Variants in AFF3 observed in about 807,000 individuals in gnomAD.
AFF3 encodes ALF transcription elongation factor 3, also known as AF4/FMR2 family member 3.
In AFF3, 32 loss-of-function variants were observed where a neutral mutation model predicts 129.7. The ratio of observed to expected loss-of-function variants is 0.25; its 90% CI spans 0.19 to 0.33. The LOEUF (loss-of-function observed/expected upper bound fraction) is 0.33, where lower values mean the gene tolerates loss of function less well. Among genes scored for constraint, AFF3 ranks in the 10% least tolerant of loss-of-function variants. The pLI is 1.00. For synonymous variants in AFF3, 644 were observed against 635.4 expected (o/e 1.01, Z -0.20); for missense variants, 1,373 against 1,592.0 (o/e 0.86, Z 2.34).
chr2:99,573,527 A>C (rs531940117), intron 18 of AFF3, among the ~76,000 whole-genome samples: 1 of 152,314 alleles, frequency 6.6e-6, no homozygotes, highest in African/African-American at 2.4e-5. Context: ...CAAGGATCTT[A>C]ATTGGTGTCC....
In AFF3 at chr2:99,869,122, C is replaced by T. The variant is rs544449915; in HGVS notation, c.874-31598G>A. On this transcript the variant is annotated intron_variant, in intron 7 of 24. Coordinates refer to ENST00000672756, the MANE Select transcript of AFF3 (RefSeq NM_001386135.1). ...AACAGTCCTATTTTTAATATAAGTT[C>T]CTAGTTCTGGACTTCCAGGTGGCAC... Among the ~76,000 whole-genome samples, 11 of 152,160 alleles carry T rather than the reference C, an allele frequency of 7.2e-5. No homozygotes were observed. The South Asian group carries it at 2.3e-3, about 32-fold the overall frequency.
intron 10 of AFF3, among the ~76,000 whole-genome samples, chr2:99,728,972 C>T (rs1679581780): frequency 6.6e-6 from 1 of 150,432 alleles, no homozygotes; most frequent in African/African-American, 2.4e-5. Context: ...AACCACAATC[C>T]CTCTTGTAAT....
In AFF3 at chr2:99,560,322, T is replaced by C. The variant is rs200773383; in HGVS notation, c.3191+43A>G. 139 of 1,600,430 alleles carry C rather than the reference T, an allele frequency of 8.7e-5. No homozygotes were observed. In the African/African-American group the frequency reaches 1.7e-3, roughly 20 times the overall value. ...AGCACCTGGTTTGCCAATGATGGCA[T>C]GCGAGGCTGGGGCTGCTATTCTAAG... On this transcript the variant is annotated intron_variant, in intron 21 of 24. Coordinates refer to ENST00000672756, the MANE Select transcript of AFF3 (RefSeq NM_001386135.1).
chr2:99,847,903 G>A (rs905145579), intron 7 of AFF3, among the ~76,000 whole-genome samples: 3 of 152,042 alleles, frequency 2.0e-5, no homozygotes, highest in African/African-American at 7.2e-5. Context: ...GTATCTTGAC[G>A]CCCACACTAT....
chr2:99,665,322 C>T (rs571737908), intron 12 of AFF3, among the ~76,000 whole-genome samples: 1 of 152,262 alleles, frequency 6.6e-6, no homozygotes, highest in South Asian at 2.1e-4. Flanking sequence ...CTGGTTTTGA[C>T]TAGCTGGGAA....
chr2:99,808,483 C>T (rs1686528456), intron 8 of AFF3, among the ~76,000 whole-genome samples: 1 of 152,144 alleles, frequency 6.6e-6, no homozygotes, highest in Admixed American at 6.5e-5. Context: ...TATGAAAATA[C>T]AGAGTGATGA....
At chr2:99,941,427 G>A (rs1318354762) in intron 7 of AFF3, among the ~76,000 whole-genome samples, 3 of 152,152 alleles carry the variant, frequency 2.0e-5, no homozygotes, top group Non-Finnish European at 4.4e-5. Context: ...GCACACCATA[G>A]TAAATCTACT....
intron 11 of AFF3, among the ~76,000 whole-genome samples, chr2:99,689,285 G>A (rs1675368073): frequency 6.6e-6 from 1 of 152,108 alleles, no homozygotes; most frequent in African/African-American, 2.4e-5. Flanking sequence ...GGCCTCAGCT[G>A]ACTGCAGCTG....
At chr2:99,755,008 T>C (rs939969488) in intron 8 of AFF3, among the ~76,000 whole-genome samples, 1 of 152,150 alleles carries the variant, frequency 6.6e-6, no homozygotes, top group Admixed American at 6.5e-5. Flanking sequence ...TCTTTCTTTC[T>C]TCCTTCCCTC....
rs138422859 is a variant in AFF3, at chr2:99,825,138, G to T, written c.921+12339C>A. Among the ~76,000 whole-genome samples the T allele has an allele frequency of 3.3e-3, 507 of 152,246 alleles. 5 individuals are homozygous for T. Among genetic ancestry groups the T allele is most frequent in the African/African-American group, 0.012 (482 of 41,544 alleles). ...ATCCACACATCAGATTTATCAGAACGTATAAAACGATGGATAAATGCAATG... is the reference window on the plus strand; with the variant it reads ...ATCCACACATCAGATTTATCAGAACTTATAAAACGATGGATAAATGCAATG... On this transcript the variant is annotated intron_variant, in intron 8 of 24. Coordinates refer to ENST00000672756, the MANE Select transcript of AFF3 (RefSeq NM_001386135.1).
At chr2:99,871,456 G>A (rs544333202) in intron 7 of AFF3, among the ~76,000 whole-genome samples, 12 of 152,068 alleles carry the variant, frequency 7.9e-5, no homozygotes, top group African/African-American at 2.7e-4. Context: ...ATGATCCATC[G>A]CGAAAATAGA....
At chr2:100,009,216 C>T (rs1172536637) in intron 4 of AFF3, among the ~76,000 whole-genome samples, 1 of 152,110 alleles carries the variant, frequency 6.6e-6, no homozygotes, top group African/African-American at 2.4e-5. Context: ...CAGGAGAAGA[C>T]TGAAAGTAAT....
chr2:99,874,840 T>G (rs1238926263), intron 7 of AFF3, among the ~76,000 whole-genome samples: 1 of 152,118 alleles, frequency 6.6e-6, no homozygotes, highest in Admixed American at 6.6e-5. Context: ...GGAAATACAT[T>G]GAAATATTTA....
intron 4 of AFF3, among the ~76,000 whole-genome samples, chr2:100,068,226 CA>C (rs567028176): frequency 7.2e-5 from 11 of 152,134 alleles, no homozygotes; most frequent in Non-Finnish European, 1.6e-4. Context: ...TTTTGACAAA[CA>C]AAATTTAAAT....
intron 7 of AFF3, among the ~76,000 whole-genome samples, chr2:99,838,690 C>T (rs1378923869): frequency 2.6e-5 from 4 of 152,186 alleles, no homozygotes; most frequent in African/African-American, 7.2e-5. Context: ...CTTCCAGCAC[C>T]GTGCTCCACA....
At chr2:99,804,989 C>T (rs1328624875) in intron 8 of AFF3, among the ~76,000 whole-genome samples, 1 of 152,170 alleles carries the variant, frequency 6.6e-6, no homozygotes, top group African/African-American at 2.4e-5. Context: ...ACAATATACA[C>T]TACTTGGATG....
intron 7 of AFF3, among the ~76,000 whole-genome samples, chr2:99,950,464 G>A (rs949563629): frequency 2.0e-5 from 3 of 152,146 alleles, no homozygotes; most frequent in African/African-American, 7.2e-5. Flanking sequence ...GGCATATAAA[G>A]TCACTGTATT....
At chr2:99,848,796 T>C (rs1009021016) in intron 7 of AFF3, among the ~76,000 whole-genome samples, 1 of 152,196 alleles carries the variant, frequency 6.6e-6, no homozygotes, top group African/African-American at 2.4e-5. Context: ...CAGTTATCTC[T>C]CGAATCTCCT....
At position 99,888,648 on chromosome 2, in the gene AFF3, CTCTT is replaced by C. The variant is rs564463208; in HGVS notation, c.874-51128_874-51125del. On this transcript the variant is annotated intron_variant, in intron 7 of 24. Transcript: ENST00000672756. ...ATTTAACTCGATGTGACTTTAAGAA[CTCTT>C]TCTTTTACGTAATCAATCACTTGTC... 2.0e-4 allele frequency among the ~76,000 whole-genome samples: 31 copies of C among 152,250 alleles called. No homozygotes were observed. In the South Asian group the frequency reaches 5.0e-3, roughly 24 times the overall value.
Sources: allele counts gnomAD v4.1 joint callset (sites outside exome capture counted in the v4.1 genomes callset), GRCh38; gene constraint gnomAD v4.1.1; transcripts MANE v1.5; gene names NCBI Gene and HGNC (gene_info 2026-07-23, HGNC 2026-07-21).